Variants in SOX30 observed in about 807,000 individuals in gnomAD.
SOX30 encodes SRY-box transcription factor 30, also known as transcription factor SOX-30.
Under a neutral mutation model 58.6 loss-of-function variants are expected in SOX30, and 17 were observed. That is an observed-to-expected ratio of 0.29 (90% CI 0.20 to 0.44). The LOEUF is 0.44. Among genes scored for constraint, SOX30 ranks in the 20% least tolerant of loss-of-function variants. The probability of loss-of-function intolerance (pLI) is 1.00; values close to 1 mark genes in which losing one functional copy is unlikely to be tolerated. For synonymous variants in SOX30, 421 were observed against 400.2 expected (o/e 1.05, Z -0.62); for missense variants, 951 against 965.8 (o/e 0.98, Z 0.20).
chr5:157,667,766 A>G (rs929649031), intron 2 of SOX30: 5 of 226,812 alleles, frequency 2.2e-5, no homozygotes, highest in African/African-American at 3.2e-4. Flanking sequence ...ACATACATAC[A>G]CACACACACA....
At chr5:157,639,862 C>T (rs1378879467) in intron 3 of SOX30, among the ~76,000 whole-genome samples, 5 of 152,230 alleles carry the variant, frequency 3.3e-5, no homozygotes, top group Admixed American at 3.3e-4. Flanking sequence ...CAGGTGACTT[C>T]CCTCTCCTTT....
At chr5:157,635,910 T>C (rs1758915963) in intron 4 of SOX30, among the ~76,000 whole-genome samples, 1 of 152,184 alleles carries the variant, frequency 6.6e-6, no homozygotes, top group African/African-American at 2.4e-5. Flanking sequence ...ATAAAAGAAG[T>C]CTTACTGATA....
chr5:157,632,129 G>A (rs1353005081), intron 4 of SOX30, among the ~76,000 whole-genome samples: 1 of 141,742 alleles, frequency 7.1e-6, no homozygotes, highest in African/African-American at 2.7e-5. Context: ...TCTGAAGCAA[G>A]ACCCTTCTGA....
At chr5:157,640,018 A>C (rs753230391) in intron 3 of SOX30, among the ~76,000 whole-genome samples, 2 of 152,202 alleles carry the variant, frequency 1.3e-5, no homozygotes, top group Non-Finnish European at 2.9e-5. Flanking sequence ...TCACCTGATG[A>C]GGTTATCTGG....
chr5:157,651,880 C>A lies in SOX30; in HGVS notation c.199G>T (p.Val67Leu). ...EAVASGLQPAVRRLLQVKPEQ... is the reference protein window; with the variant it reads ...EAVASGLQPALRRLLQVKPEQ... ...GGCTTCACCTGCAGCAGCCGCCGCACCGCGGGCTGTAAGCCGGACGCCACT... is the reference window on the plus strand; with the variant it reads ...GGCTTCACCTGCAGCAGCCGCCGCAACGCGGGCTGTAAGCCGGACGCCACT... Residue 67 changes from valine to leucine, a missense_variant, in exon 1 of 5, where the codon GTG becomes TTG. By Grantham distance (32) the Val-to-Leu change is conservative. This residue lies in a region of SOX30 where 363 missense variants were observed against 294.5 expected (regional missense o/e 1.23). Coordinates refer to ENST00000265007, the MANE Select transcript of SOX30 (RefSeq NM_178424.2). The A allele has an allele frequency of 6.4e-7, 1 of 1,551,844 alleles. No homozygotes were observed. Among genetic ancestry groups the A allele is most frequent in the Non-Finnish European group, 8.7e-7 (1 of 1,154,164 alleles).
upstream of SOX30, among the ~76,000 whole-genome samples, chr5:157,652,887 G>A (rs1376674666): frequency 6.6e-6 from 1 of 152,094 alleles, no homozygotes; most frequent in Non-Finnish European, 1.5e-5. Context: ...GTGATCTTTC[G>A]AAAACGCAAA....
chr5:157,646,647 A>T lies in SOX30; in HGVS notation c.1377T>A (p.Thr459=). The stretch of plus-strand genomic sequence containing the variant: ...ATAAAACTAACTCACCAACTGGATG[A>T]GTGATGGGATTCTGTAGGCTGGGAA... The part of the protein sequence containing the change: ...VVIPSLQNPI[T]HPVGETSPAI... Residue 459 remains threonine, a synonymous_variant, in exon 3 of 5, where the codon ACT becomes ACA. Coordinates refer to ENST00000265007, the MANE Select transcript of SOX30 (RefSeq NM_178424.2). The T allele has an allele frequency of 6.2e-7, 1 of 1,602,212 alleles. No homozygotes were observed. Among genetic ancestry groups the T allele is most frequent in the Non-Finnish European group, 8.5e-7 (1 of 1,176,278 alleles).
chr5:157,665,902 T>C (rs1371895839), intron 2 of SOX30, among the ~76,000 whole-genome samples: 5 of 112,504 alleles, frequency 4.4e-5, no homozygotes, highest in Non-Finnish European at 1.6e-5. Flanking sequence ...GGATATTCCC[T>C]TTTTTTTTTT....
rs539566843 is a variant in SOX30, at chr5:157,652,041, C to T, written c.38G>A (p.Arg13His). The T allele has an allele frequency of 1.4e-6, 2 of 1,422,290 alleles. No individual in the cohort carries two copies. Among genetic ancestry groups the T allele is most frequent in the East Asian group, 2.7e-5 (1 of 36,828 alleles). The allele number at this position is 1,422,290 out of a possible 1,614,324, so 88.1% of individuals were successfully genotyped here. ...CGGGGGCGGAGCGGGACGCAACGGG[C>T]GCGGCTGAGGCGGCGGCTCGGGTCT... ...RARPEPPPQP[R>H]PLRPAPPPLP... Residue 13 changes from arginine (R) to histidine (H), a missense_variant, in exon 1 of 5, where the codon CGC (arginine) becomes CAC (histidine). Arg to His is a conservative substitution (Grantham distance 29). Around this residue, in one of 7 missense-constraint regions of SOX30, gnomAD observed 363 missense variants for 294.5 expected, o/e 1.23. Transcript: ENST00000265007.
At chr5:157,653,254 A>G (rs1476609291), upstream of SOX30, among the ~76,000 whole-genome samples, 2 of 152,218 alleles carry the variant, frequency 1.3e-5, no homozygotes, top group Non-Finnish European at 2.9e-5. Context: ...TCTGAAAATC[A>G]GATAAAATCT....
chr5:157,651,728 G>C lies in SOX30; in HGVS notation c.351C>G (p.Asp117Glu). The change falls in exon 1 of 5, where the codon GAC becomes GAG. Residue 117 changes from aspartate to glutamate, a missense_variant. Coordinates refer to ENST00000265007, the MANE Select transcript of SOX30 (RefSeq NM_178424.2). The stretch of plus-strand genomic sequence containing the variant: ...GCAACTCGGGCCTGGAGGTGGCGCC[G>C]TCTGACGCTGTCGGCGGCTGCAGGA... ...LRLLQPPTAS[D>E]GATSRPELHP... 1.3e-6 allele frequency: 2 copies of C among 1,566,300 alleles called. No individual in the cohort carries two copies. The highest frequency in any genetic ancestry group is 8.6e-7 in the Non-Finnish European group (1 of 1,158,542).
At chr5:157,663,037 G>T (rs373056823) in intron 2 of SOX30, among the ~76,000 whole-genome samples, 12 of 152,174 alleles carry the variant, frequency 7.9e-5, no homozygotes, top group African/African-American at 2.9e-4. Flanking sequence ...GGAGGAGCTG[G>T]TACCATTCCT....
Position 157,646,787 on chromosome 5 carries a change from G to C in SOX30, c.1237C>G (p.Arg413Gly). Reference protein sequence around the residue: ...GWVYQPRPGKRKRFPLSVSNV... With the variant: ...GWVYQPRPGKGKRFPLSVSNV... ...GAAACACTTAGAGGGAATCGTTTTC[G>C]CTTCCCTGGACGAGGCTGATAAACC... Residue 413 changes from arginine (R) to glycine (G), a missense_variant, in exon 3 of 5, where the codon CGA (arginine) becomes GGA (glycine). Arg to Gly is a moderately radical substitution (Grantham distance 125, BLOSUM62 -2). Coordinates refer to ENST00000265007, the MANE Select transcript of SOX30 (RefSeq NM_178424.2). The C allele has an allele frequency of 6.2e-7, 1 of 1,613,916 alleles. No homozygotes were observed. Among genetic ancestry groups the C allele is most frequent in the Non-Finnish European group, 8.5e-7 (1 of 1,179,908 alleles).
At chr5:157,653,022 G>A (rs566165958), upstream of SOX30, among the ~76,000 whole-genome samples, 12 of 152,274 alleles carry the variant, frequency 7.9e-5, no homozygotes, top group East Asian at 2.3e-3. Context: ...TCCTACTACT[G>A]CTACTATTAG....
chr5:157,632,303 C>T (rs1758832910), intron 4 of SOX30, among the ~76,000 whole-genome samples: 1 of 152,126 alleles, frequency 6.6e-6, no homozygotes, highest in Non-Finnish European at 1.5e-5. Flanking sequence ...CTAATTAGTA[C>T]TTCACCGAAT....
At chr5:157,653,013 C>T (rs114111622), upstream of SOX30, among the ~76,000 whole-genome samples, 1 of 152,218 alleles carries the variant, frequency 6.6e-6, no homozygotes, top group African/African-American at 2.4e-5. Context: ...GATCTAACCT[C>T]CTACTACTGC....
intron 1 of SOX30, among the ~76,000 whole-genome samples, chr5:157,670,617 G>A (rs1759760551): frequency 6.6e-6 from 1 of 152,088 alleles, no homozygotes; most frequent in Admixed American, 6.6e-5. Context: ...GAAATCTGAA[G>A]AACTTTTAGC....
intron 1 of SOX30, among the ~76,000 whole-genome samples, chr5:157,668,152 C>T (rs1759705393): frequency 6.6e-6 from 1 of 152,194 alleles, no homozygotes; most frequent in Admixed American, 6.5e-5. Context: ...GTGAGGGATG[C>T]CCATGTTTGG....
intron 4 of SOX30, among the ~76,000 whole-genome samples, chr5:157,631,969 G>A (rs1398794194): frequency 1.4e-5 from 2 of 144,752 alleles, no homozygotes; most frequent in African/African-American, 2.6e-5. Flanking sequence ...CTTAGGCCCA[G>A]GAGTTCGAGG....
Sources: gnomAD v4.1 joint callset for allele counts (sites outside exome capture counted in the v4.1 genomes callset) on GRCh38, gnomAD v4.1.1 for gene constraint, gnomAD v4.1.1 regional missense constraint, MANE v1.5 for transcripts, NCBI Gene and HGNC (gene_info 2026-07-23, HGNC 2026-07-21) for gene names.